Variants in BABAM2 observed in about 807,000 individuals in gnomAD.
BABAM2 encodes BRISC and BRCA1-A complex member 2.
In BABAM2, 31 loss-of-function variants were observed where a neutral mutation model predicts 54.7. The observed-to-expected ratio is 0.57, with a 90% CI of 0.43 to 0.77. The LOEUF (loss-of-function observed/expected upper bound fraction) is 0.77, where lower values mean the gene tolerates loss of function less well. Among genes scored for constraint, BABAM2 ranks in the 30% least tolerant of loss-of-function variants. The pLI, the probability that BABAM2 is intolerant of heterozygous loss-of-function variation, is 0.00. For synonymous variants in BABAM2, 167 were observed against 162.9 expected, an observed-to-expected ratio of 1.03 and a Z score of -0.19; for missense variants, 364 against 455.8, an observed-to-expected ratio of 0.80 and a Z score of 1.83.
intron 5 of BABAM2, 49 bp from the exon 6 acceptor site, chr2:28,045,676 A>G (rs749647895): frequency 7.0e-5 from 105 of 1,503,752 alleles, no homozygotes; most frequent in Middle Eastern, 1.9e-4. Context: ...TTGTCACTTC[A>G]TAATCTATTT....
chr2:28,081,016 A>C (rs983303258), intron 6 of BABAM2, among the ~76,000 whole-genome samples: 3 of 152,216 alleles, frequency 2.0e-5, no homozygotes, highest in African/African-American at 7.2e-5. Context: ...TGCATGGATG[A>C]GAAGGGAGTA....
Position 28,119,795 on chromosome 2 carries a change from T to C in BABAM2, c.571-9476T>C, listed in dbSNP as rs561327982. The stretch of plus-strand genomic sequence containing the variant: ...AGTAATGAGCTCAAAATGTCGCTTT[T>C]GGAAGACATGGGCAGGTGGCAGCAG... On this transcript the variant is annotated intron_variant, in intron 6 of 11. Coordinates refer to ENST00000379624, the MANE Select transcript of BABAM2 (RefSeq NM_199191.3). Among the ~76,000 whole-genome samples the C allele has an allele frequency of 5.9e-5, 9 of 152,344 alleles. No homozygotes were observed. The South Asian group carries it at 1.9e-3, about 32-fold the overall frequency.
At position 28,253,401 on chromosome 2, in the gene BABAM2, CA is replaced by C. The variant is rs374215052; in HGVS notation, c.934+8554del. Among the ~76,000 whole-genome samples, 1,046 of 128,600 alleles carry C rather than the reference CA, an allele frequency of 8.1e-3. 9 individuals carry two copies. Among genetic ancestry groups the C allele is most frequent in the East Asian group, 0.036 (152 of 4,226 alleles). 84.4% of individuals were successfully genotyped at this position (128,600 alleles called of 152,430 possible). The stretch of plus-strand genomic sequence containing the variant: ...TGTGTGACAGAGCAAGACTTTGTCT[CA>C]AAAAAAAAAAAAAAGTATGGAGTGT... On this transcript the variant is annotated intron_variant, in intron 10 of 11. Coordinates refer to ENST00000379624, the MANE Select transcript of BABAM2 (RefSeq NM_199191.3).
intron 6 of BABAM2, among the ~76,000 whole-genome samples, chr2:28,046,268 A>G (rs557397517): frequency 6.6e-6 from 1 of 152,294 alleles, no homozygotes; most frequent in East Asian, 1.9e-4. Flanking sequence ...CAGCCTGGCC[A>G]ACATGGTGAA....
intron 5 of BABAM2, among the ~76,000 whole-genome samples, chr2:28,026,821 TTTATATATATAAATATATATAA>T (rs1675735594): frequency 1.2e-5 from 1 of 85,896 alleles, no homozygotes; most frequent in African/African-American, 5.4e-5. Context: ...TAAATATATA[TTTATATATATAAATATATATAA>T]ATATATATTT....
intron 10 of BABAM2, among the ~76,000 whole-genome samples, chr2:28,295,776 A>C (rs578072082): frequency 6.6e-6 from 1 of 151,710 alleles, no homozygotes; most frequent in African/African-American, 2.4e-5. Flanking sequence ...GGATTACAGG[A>C]GTGAGCCACC....
chr2:28,157,142 T>G (rs1437809227), intron 7 of BABAM2, among the ~76,000 whole-genome samples: 1 of 152,322 alleles, frequency 6.6e-6, no homozygotes, highest in Admixed American at 6.5e-5. Flanking sequence ...GTCTCTAATC[T>G]TGACTGGGAA....
chr2:28,306,995 C>CTTTT lies in BABAM2; in HGVS notation c.1088+8530_1088+8533dup, dbSNP rs143177903. Among the ~76,000 whole-genome samples, 38 of 26,394 alleles carry CTTTT rather than the reference C, an allele frequency of 1.4e-3. 13 individuals are homozygous for CTTTT. Among genetic ancestry groups the CTTTT allele is most frequent in the African/African-American group, 2.3e-3 (17 of 7,362 alleles). 17.3% of individuals were successfully genotyped at this position (26,394 alleles called of 152,430 possible). A position where few individuals can be genotyped will look rare whatever the true frequency, so the allele number is the denominator to read the frequency against. ...ACAGGCATGAGCCACCACACCTGGC[C>CTTTT]TTTTTTTTTTTTTTTTTTTTTTTTT... On this transcript the variant is annotated intron_variant, in intron 11 of 11. Transcript: ENST00000379624.
chr2:28,321,931 T>A (rs1025745579), intron 11 of BABAM2, among the ~76,000 whole-genome samples: 1 of 150,196 alleles, frequency 6.7e-6, no homozygotes, highest in African/African-American at 2.5e-5. Context: ...TTTATTCTGA[T>A]AAAGTGAGTT....
chr2:28,036,398 C>T (rs1676662535), intron 5 of BABAM2, among the ~76,000 whole-genome samples: 1 of 152,052 alleles, frequency 6.6e-6, no homozygotes, highest in South Asian at 2.1e-4. Context: ...TTCATGGTAC[C>T]ATTAACTTAT....
intron 6 of BABAM2, among the ~76,000 whole-genome samples, chr2:28,046,669 A>G (rs775022551): frequency 1.3e-5 from 2 of 152,184 alleles, no homozygotes; most frequent in Non-Finnish European, 2.9e-5. Flanking sequence ...CTTGCATATT[A>G]TACTAATCAA....
intron 3 of BABAM2, among the ~76,000 whole-genome samples, chr2:27,967,454 C>T (rs971352730): frequency 2.0e-5 from 3 of 152,180 alleles, no homozygotes; most frequent in African/African-American, 7.2e-5. Context: ...GTGAGTTCTC[C>T]TTCAAACCTC....
In BABAM2 at chr2:28,045,758, C is replaced by T. The variant is rs1194598498; in HGVS notation, c.529C>T (p.Leu177=). 6.2e-7 allele frequency: 1 copy of T among 1,611,594 alleles called. No individual in the cohort carries two copies. Among genetic ancestry groups the T allele is most frequent in the South Asian group, 1.1e-5 (1 of 90,710 alleles). Residue 177 remains leucine, a synonymous_variant, in exon 6 of 12, where the codon CTG becomes TTG. Transcript: ENST00000379624. ...ATTTTCAGCTCGTTTCCTTTTGAAG[C>T]TGCCCGTAGATTTCAGCAATATCCC... ...GEFSARFLLK[L]PVDFSNIPTY...
At chr2:28,221,174 C>G (rs1680376395) in intron 7 of BABAM2, among the ~76,000 whole-genome samples, 1 of 148,678 alleles carries the variant, frequency 6.7e-6, no homozygotes, top group Non-Finnish European at 1.5e-5. Flanking sequence ...CAGGCAGTCC[C>G]TTTTCCCTCT....
intron 10 of BABAM2, among the ~76,000 whole-genome samples, chr2:28,262,959 C>T (rs1352562344): frequency 2.6e-5 from 4 of 151,916 alleles, no homozygotes; most frequent in South Asian, 2.1e-4. Flanking sequence ...TGAGATGGCC[C>T]GACCTAGGAT....
At chr2:28,097,964 T>C (rs796172660) in intron 6 of BABAM2, among the ~76,000 whole-genome samples, 2 of 152,250 alleles carry the variant, frequency 1.3e-5, no homozygotes, top group East Asian at 3.8e-4. Context: ...TAATACCATA[T>C]CTTCTTTTAA....
At chr2:27,932,023 T>C (rs964137248) in intron 3 of BABAM2, among the ~76,000 whole-genome samples, 3 of 152,148 alleles carry the variant, frequency 2.0e-5, no homozygotes, top group Non-Finnish European at 4.4e-5. Flanking sequence ...ATTATCACTG[T>C]GAGATTTGCC....
At chr2:28,109,184 C>CTTTTTTTTT (rs764380110) in intron 6 of BABAM2, among the ~76,000 whole-genome samples, 1 of 101,890 alleles carries the variant, frequency 9.8e-6, no homozygotes, top group African/African-American at 3.7e-5. Context: ...GACACATACT[C>CTTTTTTTTT]TTTTTTTTTT....
chr2:28,100,721 G>A (rs1393184504), intron 6 of BABAM2, among the ~76,000 whole-genome samples: 2 of 152,184 alleles, frequency 1.3e-5, no homozygotes, highest in African/African-American at 4.8e-5. Flanking sequence ...TTGAGATTTT[G>A]TGCCTGCAGA....
Sources: gnomAD v4.1 joint callset for allele counts (sites outside exome capture counted in the v4.1 genomes callset) on GRCh38, gnomAD v4.1.1 for gene constraint, MANE v1.5 for transcripts, NCBI Gene and HGNC (gene_info 2026-07-23, HGNC 2026-07-21) for gene names.